The following SRGAP1 variants were observed in gnomAD, a reference collection of about 807,000 sequenced individuals.
SRGAP1 encodes SLIT-ROBO Rho GTPase-activating protein 1.
SRGAP1 carries 43 observed loss-of-function variants against 121.9 expected under a neutral mutation model. The ratio of observed to expected loss-of-function variants is 0.35; its 90% confidence interval spans 0.28 to 0.46. SRGAP1 has a LOEUF of 0.46. Ranked by LOEUF, SRGAP1 falls within the 20% of genes least tolerant of loss-of-function variation. The pLI, the probability that SRGAP1 is intolerant of heterozygous loss-of-function variation, is 1.00. For synonymous variants in SRGAP1, 447 were observed against 485.4 expected (o/e 0.92, Z 1.04); for missense variants, 1,102 against 1,350.9 (o/e 0.82, Z 2.89).
chr12:64,118,296 G>A (rs1402418576), intron 18 of SRGAP1, among the ~76,000 whole-genome samples: 1 of 152,072 alleles, frequency 6.6e-6, no homozygotes, highest in African/African-American at 2.4e-5. Context: ...TTGAGACAGG[G>A]TCTCACTTTG....
At chr12:63,876,042 A>G (rs1237921288) in intron 1 of SRGAP1, among the ~76,000 whole-genome samples, 1 of 152,186 alleles carries the variant, frequency 6.6e-6, no homozygotes, top group African/African-American at 2.4e-5. Context: ...AGAGTAATGC[A>G]TTTTTTAAAA....
intron 21 of SRGAP1, among the ~76,000 whole-genome samples, chr12:64,139,582 G>A (rs1218822185): frequency 6.6e-6 from 1 of 151,778 alleles, no homozygotes; most frequent in African/African-American, 2.4e-5. Flanking sequence ...ACTTTTTGAT[G>A]GGGTTGTTTG....
At position 63,869,605 on chromosome 12, in the gene SRGAP1, C is replaced by T. The variant is rs539727480; in HGVS notation, c.67+24722C>T. ...CATAACTTAACTCTGATTTTTCCTG[C>T]GTTCATCTATAAGTATTCACTATGT... is the stretch of plus-strand genomic sequence containing the variant. On this transcript the variant is annotated intron_variant, in intron 1 of 21. Transcript: ENST00000355086. Among the ~76,000 whole-genome samples, 3 of 152,258 alleles carry T rather than the reference C, an allele frequency of 2.0e-5. No homozygotes were observed. The East Asian group carries it at 5.8e-4, about 29-fold the overall frequency.
intron 6 of SRGAP1, among the ~76,000 whole-genome samples, chr12:64,045,839 A>G (rs2035120058): frequency 6.6e-6 from 1 of 152,254 alleles, no homozygotes; most frequent in South Asian, 2.1e-4. Flanking sequence ...ATGGGAATCC[A>G]GCAGTGAATA....
intron 6 of SRGAP1, among the ~76,000 whole-genome samples, chr12:64,048,767 C>A (rs2035182528): frequency 6.6e-6 from 1 of 151,872 alleles, no homozygotes; most frequent in African/African-American, 2.4e-5. Flanking sequence ...TGTTGAGTAC[C>A]TTTTCATATA....
chr12:63,892,645 A>G (rs1391231351), intron 1 of SRGAP1, among the ~76,000 whole-genome samples: 3 of 152,104 alleles, frequency 2.0e-5, no homozygotes, highest in Non-Finnish European at 4.4e-5. Flanking sequence ...TAAGCACCAT[A>G]TGTAGCTCTT....
At chr12:63,914,887 T>C (rs1484193350) in intron 1 of SRGAP1, among the ~76,000 whole-genome samples, 3 of 152,206 alleles carry the variant, frequency 2.0e-5, no homozygotes, top group Non-Finnish European at 2.9e-5. Context: ...ACATTTGAAT[T>C]ATATATTTCA....
At position 64,162,216 on chromosome 12, in the gene SRGAP1, T is replaced by C. The variant is rs903195916; in HGVS notation, c.*19544T>C. On this transcript the variant is annotated 3_prime_UTR_variant, in exon 22 of 22. Coordinates refer to ENST00000355086, the MANE Select transcript of SRGAP1 (RefSeq NM_020762.4). ...TCCAATAAAGTACTAAATTGTATGA[T>C]ATATGAATTATACCTCAATAATGCT... 1.3e-5 allele frequency: 2 copies of C among 152,162 alleles called. No homozygotes were observed. Among genetic ancestry groups the C allele is most frequent in the African/African-American group, 4.8e-5 (2 of 41,436 alleles). The allele number at this position is 152,162 out of a possible 1,614,324, so 9.4% of individuals were successfully genotyped here. A position where few individuals can be genotyped will look rare whatever the true frequency, so the allele number is the denominator to read the frequency against.
At chr12:64,063,172 G>A in intron 7 of SRGAP1, 34 bp downstream of exon 7, 1 of 1,537,184 alleles carries the variant, frequency 6.5e-7, no homozygotes. Flanking sequence ...ATAATGAATT[G>A]TCTCTTCACT....
At chr12:63,875,377 A>G (rs73315376) in intron 1 of SRGAP1, among the ~76,000 whole-genome samples, 168 of 152,330 alleles carry the variant, frequency 1.1e-3, no homozygotes, top group African/African-American at 3.8e-3. Context: ...AAGGTCGCCA[A>G]TAATCAAGCT....
At chr12:63,964,138 T>C (rs1387014513) in intron 1 of SRGAP1, among the ~76,000 whole-genome samples, 1 of 152,274 alleles carries the variant, frequency 6.6e-6, no homozygotes, top group East Asian at 1.9e-4. Flanking sequence ...GGGCAAATTC[T>C]TAGTCTCTTT....
chr12:64,108,605 A>G (rs759307828), intron 15 of SRGAP1, among the ~76,000 whole-genome samples: 5 of 152,208 alleles, frequency 3.3e-5, no homozygotes, highest in Non-Finnish European at 5.9e-5. Context: ...TTTGGTTAGC[A>G]TGCAGCAAGA....
At chr12:64,026,159 AGTT>A in intron 4 of SRGAP1, among the ~76,000 whole-genome samples, 1 of 152,294 alleles carries the variant, frequency 6.6e-6, no homozygotes, top group Admixed American at 6.5e-5. Flanking sequence ...TAGGAAGTAT[AGTT>A]TAGTGAAAAA....
At chr12:64,074,795 T>C (rs959460753) in intron 8 of SRGAP1, among the ~76,000 whole-genome samples, 1 of 152,194 alleles carries the variant, frequency 6.6e-6, no homozygotes, top group African/African-American at 2.4e-5. Flanking sequence ...TTTAAAAGTA[T>C]TATAAATATA....
intron 4 of SRGAP1, among the ~76,000 whole-genome samples, chr12:64,022,790 G>A (rs983301063): frequency 2.0e-5 from 3 of 152,132 alleles, no homozygotes; most frequent in Non-Finnish European, 4.4e-5. Flanking sequence ...GAAGCATTTT[G>A]CATGCTTGCT....
At chr12:63,947,321 G>A (rs1282716748) in intron 1 of SRGAP1, among the ~76,000 whole-genome samples, 1 of 152,110 alleles carries the variant, frequency 6.6e-6, no homozygotes, top group Non-Finnish European at 1.5e-5. Context: ...TTAAATTTTA[G>A]GCAATCTAGT....
chr12:64,122,335 A>G (rs1256079264), intron 18 of SRGAP1, among the ~76,000 whole-genome samples: 1 of 151,644 alleles, frequency 6.6e-6, no homozygotes, highest in Non-Finnish European at 1.5e-5. Flanking sequence ...GGCTTTCTAT[A>G]TGAAAGAGGC....
intron 10 of SRGAP1, among the ~76,000 whole-genome samples, chr12:64,085,598 G>A (rs2035923187): frequency 6.6e-6 from 1 of 152,042 alleles, no homozygotes; most frequent in Non-Finnish European, 1.5e-5. Context: ...ACTGCCATTA[G>A]GATATCCCAT....
At chr12:63,848,775 C>T (rs1216181772) in intron 1 of SRGAP1, among the ~76,000 whole-genome samples, 1 of 152,130 alleles carries the variant, frequency 6.6e-6, no homozygotes, top group African/African-American at 2.4e-5. Flanking sequence ...TATTAATTGC[C>T]TCATAAAATT....
Sources: gnomAD v4.1 joint callset for allele counts (sites outside exome capture counted in the v4.1 genomes callset) on GRCh38, gnomAD v4.1.1 for gene constraint, MANE v1.5 for transcripts, NCBI Gene and HGNC (gene_info 2026-07-23, HGNC 2026-07-21) for gene names.